Variants in CNTN5 observed in about 807,000 individuals in gnomAD.
The protein encoded by CNTN5 is contactin-5.
In CNTN5, 77 loss-of-function variants were observed where a neutral mutation model predicts 129.1. The ratio of observed to expected loss-of-function variants is 0.60; its 90% CI spans 0.50 to 0.72. CNTN5 has a LOEUF of 0.72. Ranked by LOEUF, CNTN5 falls within the 30% of genes least tolerant of loss-of-function variation. CNTN5 has a pLI of 0.00. For synonymous variants in CNTN5, 509 were observed against 465.6 expected (o/e 1.09, Z -1.20); for missense variants, 1,478 against 1,328.8 (o/e 1.11, Z -1.75).
chr11:99,221,252 TTAATA>T lies in CNTN5; in HGVS notation c.-209-104091_-209-104087del, dbSNP rs1860383747. ...AATTTTAATTTGACTTTGAAAGGATTTAATATATTTCTAATTCATGTAATTGACAA... is the reference window on the plus strand; with the variant it reads ...AATTTTAATTTGACTTTGAAAGGATTTATTTCTAATTCATGTAATTGACAA... On this transcript the variant is annotated intron_variant, in intron 1 of 24. Transcript: ENST00000524871. Among the ~76,000 whole-genome samples, 9 of 152,098 alleles carry T rather than the reference TTAATA, an allele frequency of 5.9e-5. No individual in the cohort carries two copies. The South Asian group carries it at 1.9e-3, about 31-fold the overall frequency.
chr11:99,082,015 T>C lies in CNTN5; in HGVS notation c.-210+60745T>C, dbSNP rs186772806. 9.2e-3 allele frequency among the ~76,000 whole-genome samples: 894 copies of C among 97,562 alleles called. 4 individuals carry two copies. The highest frequency in any genetic ancestry group is 0.019 in the African/African-American group (666 of 34,448). The allele number at this position is 97,562 out of a possible 152,430, so 64.0% of individuals were successfully genotyped here. On this transcript the variant is annotated intron_variant, in intron 1 of 24. Coordinates refer to ENST00000524871, the MANE Select transcript of CNTN5 (RefSeq NM_014361.4). ...AACTACAACATAAAAGAGAAACAAA[T>C]GTTTGCAATTCTAAACTAACTTTCA...
At chr11:99,400,840 C>T (rs1357137778) in intron 2 of CNTN5, among the ~76,000 whole-genome samples, 1 of 152,112 alleles carries the variant, frequency 6.6e-6, no homozygotes, top group Non-Finnish European at 1.5e-5. Context: ...TGACGTAGAG[C>T]ACCTTTTCAT....
chr11:99,945,966 AAAAATCTATTTTC>A (rs1950545744), intron 7 of CNTN5, among the ~76,000 whole-genome samples: 1 of 152,144 alleles, frequency 6.6e-6, no homozygotes, highest in African/African-American at 2.4e-5. Flanking sequence ...GCATGAAAAA[AAAAATCTATTTTC>A]TTACCCTGTT....
rs567139096 is a variant in CNTN5 at position 99,967,032 on chromosome 11, A to G, written c.877+10023A>G. On this transcript the variant is annotated intron_variant, in intron 8 of 24. Transcript: ENST00000524871. ...TCCAACCCAGATGATACATAAGAGAATGCTTCCTGGAAGAGGTGATATCTG... is the reference window on the plus strand; with the variant it reads ...TCCAACCCAGATGATACATAAGAGAGTGCTTCCTGGAAGAGGTGATATCTG... Among the ~76,000 whole-genome samples, 3 of 152,268 alleles carry G rather than the reference A, an allele frequency of 2.0e-5. 1 individual carries two copies. In the South Asian group the frequency reaches 6.2e-4, roughly 32 times the overall value.
chr11:99,136,910 A>G (rs769507696), intron 1 of CNTN5, among the ~76,000 whole-genome samples: 23 of 152,122 alleles, frequency 1.5e-4, no homozygotes, highest in Non-Finnish European at 3.1e-4. Context: ...TTAGACTCCC[A>G]TATGGAAAAC....
At chr11:99,954,645 A>C (rs148048623) in intron 7 of CNTN5, among the ~76,000 whole-genome samples, 13 of 152,302 alleles carry the variant, frequency 8.5e-5, no homozygotes, top group Admixed American at 8.5e-4. Context: ...GATTACTTTG[A>C]AGGCAATATT....
chr11:99,462,231 G>A (rs1944727493), intron 2 of CNTN5, among the ~76,000 whole-genome samples: 1 of 152,046 alleles, frequency 6.6e-6, no homozygotes, highest in African/African-American at 2.4e-5. Flanking sequence ...ATTGAAATTA[G>A]GGGAATTGAT....
chr11:99,860,700 C>T (rs536798104), intron 6 of CNTN5, among the ~76,000 whole-genome samples: 2 of 152,172 alleles, frequency 1.3e-5, no homozygotes, highest in East Asian at 3.9e-4. Flanking sequence ...GTTACCATAG[C>T]CTTATAGTGT....
intron 3 of CNTN5, among the ~76,000 whole-genome samples, chr11:99,764,193 A>G (rs548420766): frequency 1.3e-5 from 2 of 152,214 alleles, no homozygotes; most frequent in South Asian, 4.1e-4. Context: ...GCCTAGATGT[A>G]CAAAACCTTA....
intron 3 of CNTN5, among the ~76,000 whole-genome samples, chr11:99,563,486 A>T (rs17133811): frequency 2.0e-5 from 3 of 152,194 alleles, no homozygotes; most frequent in Admixed American, 2.0e-4. Context: ...TTTATGCCCA[A>T]TGTACATGAA....
intron 14 of CNTN5, 50 bp from the exon 15 acceptor site, chr11:100,193,438 G>A (rs1347859427): frequency 8.6e-7 from 1 of 1,165,916 alleles, no homozygotes; most frequent in African/African-American, 1.6e-5. Flanking sequence ...TATTATGTAT[G>A]GTAACACAAC....
At chr11:100,156,682 TATTCAGGG>T (rs1332551628) in intron 13 of CNTN5, among the ~76,000 whole-genome samples, 1 of 152,078 alleles carries the variant, frequency 6.6e-6, no homozygotes, top group Non-Finnish European at 1.5e-5. Context: ...GTTATCGGTC[TATTCAGGG>T]ATTCAACTTC....
chr11:99,133,407 G>A (rs1036480753), intron 1 of CNTN5, among the ~76,000 whole-genome samples: 3 of 151,830 alleles, frequency 2.0e-5, no homozygotes, highest in East Asian at 1.9e-4. Flanking sequence ...TTGGCAAATG[G>A]GATCTAATTA....
intron 2 of CNTN5, among the ~76,000 whole-genome samples, chr11:99,527,488 A>G (rs1019804902): frequency 6.6e-6 from 1 of 152,240 alleles, no homozygotes; most frequent in Non-Finnish European, 1.5e-5. Context: ...AAAATTAACT[A>G]TGCAAAAGAA....
At chr11:99,716,151 T>C (rs1173720526) in intron 3 of CNTN5, among the ~76,000 whole-genome samples, 2 of 152,058 alleles carry the variant, frequency 1.3e-5, no homozygotes, top group Non-Finnish European at 2.9e-5. Flanking sequence ...TTTTGTTCTT[T>C]CTTTAGTTGT....
intron 2 of CNTN5, among the ~76,000 whole-genome samples, chr11:99,555,425 C>A (rs994578551): frequency 2.0e-5 from 3 of 151,848 alleles, no homozygotes; most frequent in Admixed American, 6.6e-5. Context: ...ATTTTCTATT[C>A]TTTTCATGTT....
At chr11:99,928,560 C>A (rs1950116599) in intron 7 of CNTN5, among the ~76,000 whole-genome samples, 1 of 152,222 alleles carries the variant, frequency 6.6e-6, no homozygotes, top group Non-Finnish European at 1.5e-5. Context: ...GTGGGGCTTG[C>A]ACCCTCCGAA....
At chr11:100,153,569 T>A (rs1193696717) in intron 13 of CNTN5, among the ~76,000 whole-genome samples, 1 of 152,090 alleles carries the variant, frequency 6.6e-6, no homozygotes, top group Non-Finnish European at 1.5e-5. Context: ...TATAGAAAAT[T>A]ATAAAAGCAA....
At chr11:99,120,018 C>T (rs796897467) in intron 1 of CNTN5, among the ~76,000 whole-genome samples, 3 of 151,270 alleles carry the variant, frequency 2.0e-5, no homozygotes, top group African/African-American at 7.3e-5. Flanking sequence ...AGATGCTGGA[C>T]ATTAGACCTT....
Sources: allele counts gnomAD v4.1 joint callset (sites outside exome capture counted in the v4.1 genomes callset), GRCh38; gene constraint gnomAD v4.1.1; transcripts MANE v1.5; gene names NCBI Gene and HGNC (gene_info 2026-07-23, HGNC 2026-07-21).